The following ZNF765 variants were observed in gnomAD, a reference collection of about 807,000 sequenced individuals.
ZNF765 encodes zinc finger protein 765.
A neutral mutation model predicts 44.7 loss-of-function variants in ZNF765; 37 were observed. The ratio of observed to expected loss-of-function variants is 0.83; its 90% CI spans 0.64 to 1.09. The LOEUF is 1.09. ZNF765 is among the 50% of genes least tolerant of loss of function. The pLI is 0.00. For missense variants in ZNF765, 594 were observed against 626.1 expected (o/e 0.95, Z 0.55); for synonymous variants, 201 against 213.7 (o/e 0.94, Z 0.52).
chr19:53,415,226 C>T (rs141999723), downstream of ZNF765, among the ~76,000 whole-genome samples: 6 of 151,234 alleles, frequency 4.0e-5, no homozygotes, highest in South Asian at 4.2e-4. Context: ...GCGGAAATCA[C>T]GCCATTGCAC....
intron 2 of ZNF765, among the ~76,000 whole-genome samples, chr19:53,398,904 C>G (rs2085695988): frequency 6.6e-6 from 1 of 151,938 alleles, no homozygotes; most frequent in Admixed American, 6.6e-5. Context: ...TGTGCACCAC[C>G]ACGCCCAGCT....
intron 3 of ZNF765, among the ~76,000 whole-genome samples, 193 bp from the exon 4 acceptor site, chr19:53,407,505 C>T (rs908447326): frequency 1.3e-5 from 2 of 152,094 alleles, no homozygotes; most frequent in Admixed American, 6.5e-5. Flanking sequence ...AATAGACTTC[C>T]GTAAAAATAA....
At chr19:53,419,114 CAAT>C (rs1280237193) in intron 3 of ZNF765, among the ~76,000 whole-genome samples, 1 of 152,142 alleles carries the variant, frequency 6.6e-6, no homozygotes, top group African/African-American at 2.4e-5. Context: ...TTTAATCCTT[CAAT>C]AATAATGATT....
intron 2 of ZNF765, among the ~76,000 whole-genome samples, chr19:53,401,605 C>T (rs1213213655): frequency 6.6e-6 from 1 of 151,670 alleles, no homozygotes; most frequent in Non-Finnish European, 1.5e-5. Context: ...GGGCCGGGCA[C>T]GGTGGATCAT....
At chr19:53,402,306 G>C (rs552930519) in intron 3 of ZNF765, 115 bp downstream of exon 3, 1 of 1,490,872 alleles carries the variant, frequency 6.7e-7, no homozygotes, top group East Asian at 2.3e-5. Flanking sequence ...GCCCAGGCTG[G>C]AGTGCTGTGG....
Position 53,408,346 on chromosome 19 carries a change from G to A in ZNF765, c.791G>A (p.Cys264Tyr). Residue 264 changes from cysteine to tyrosine, a missense_variant, in exon 4 of 4, where the codon TGT becomes TAT. Cys to Tyr is a radical substitution (Grantham distance 194). Transcript: ENST00000396408. The part of the protein sequence containing the change: ...SKRYVARHRR[C>Y]HTGEKPYKCN... Reference sequence around the variant, plus strand: ...CGATACGTTGCACGCCATCGTAGATGTCACACTGGTGAGAAACCTTACAAG... The same window carrying A: ...CGATACGTTGCACGCCATCGTAGATATCACACTGGTGAGAAACCTTACAAG... The A allele has an allele frequency of 6.2e-7, 1 of 1,614,188 alleles. No individual in the cohort carries two copies. The highest frequency in any genetic ancestry group is 8.5e-7 in the Non-Finnish European group (1 of 1,180,024).
chr19:53,400,936 A>G (rs1395855813), intron 2 of ZNF765, among the ~76,000 whole-genome samples: 3 of 151,790 alleles, frequency 2.0e-5, no homozygotes, highest in Non-Finnish European at 4.4e-5. Flanking sequence ...GGCTCAAGCC[A>G]TCTTCCTACC....
At chr19:53,402,615 A>G (rs1032826172) in intron 3 of ZNF765, among the ~76,000 whole-genome samples, 3 of 152,244 alleles carry the variant, frequency 2.0e-5, no homozygotes, top group Admixed American at 6.5e-5. Flanking sequence ...CGGGTGGAGT[A>G]CAATGGTGTG....
intron 3 of ZNF765, among the ~76,000 whole-genome samples, chr19:53,405,905 A>C (rs1378633888): frequency 3.2e-5 from 1 of 31,038 alleles, no homozygotes; most frequent in Non-Finnish European, 6.1e-5. Context: ...AATACCAACT[A>C]TATATATATA....
rs774392387 is a variant in ZNF765, at chr19:53,408,063, G to A, written c.508G>A (p.Asp170Asn). Residue 170 changes from aspartate to asparagine, a missense_variant, in exon 4 of 4, where the codon GAT becomes AAT. Coordinates refer to ENST00000396408, the MANE Select transcript of ZNF765 (RefSeq NM_001040185.3). ...TAATCAAGTTGTGAAGTCTATCCAC[G>A]ATGCTTCCTTGGTTTCAACAGCCCA... Reference protein sequence around the residue: ...IDNQVVKSIHDASLVSTAQRI... With the variant: ...IDNQVVKSIHNASLVSTAQRI... 1.7e-5 allele frequency: 28 copies of A among 1,613,994 alleles called. No homozygotes were observed. In the Admixed American group the frequency reaches 4.3e-4, roughly 25 times the overall value.
At chr19:53,413,174 G>T, downstream of ZNF765, 1 of 571,990 alleles carries the variant, frequency 1.7e-6, no homozygotes, top group South Asian at 1.4e-5. Flanking sequence ...GTGTGTACTT[G>T]ACTCTGCCTC....
rs145676756 is a variant in ZNF765 at position 53,405,073 on chromosome 19, C to T, written c.143-2625C>T. Among the ~76,000 whole-genome samples, 530 of 152,014 alleles carry T rather than the reference C, an allele frequency of 3.5e-3. 4 individuals are homozygous for T. The highest frequency in any genetic ancestry group is 0.012 in the African/African-American group (513 of 41,458). ...AATCTACTAAATACAAGAATTTGGC[C>T]GGGCACGGTGGCTCAAGCCAGTTAT... On this transcript the variant is annotated intron_variant, in intron 3 of 3. Transcript: ENST00000396408.
At chr19:53,417,034 T>A (rs1208469574) in intron 3 of ZNF765, among the ~76,000 whole-genome samples, 1 of 152,142 alleles carries the variant, frequency 6.6e-6, no homozygotes, top group Non-Finnish European at 1.5e-5. Flanking sequence ...GCCAGGCCGG[T>A]CCCTAACTCT....
At chr19:53,421,402 TTGTCTC>T (rs1363747465) in intron 3 of ZNF765, among the ~76,000 whole-genome samples, 1 of 152,226 alleles carries the variant, frequency 6.6e-6, no homozygotes, top group Non-Finnish European at 1.5e-5. Context: ...TTTCTATACT[TTGTCTC>T]TGTCTCTTAT....
At chr19:53,424,305 A>G (rs980511573) in exon 4 of ZNF765, 1 of 145,316 alleles carries the variant, frequency 6.9e-6, no homozygotes, top group African/African-American at 2.5e-5. Context: ...AAAAAAAAAG[A>G]AAAGAAAAAA....
intron 3 of ZNF765, among the ~76,000 whole-genome samples, chr19:53,418,185 G>A (rs1455849990): frequency 1.3e-5 from 2 of 152,110 alleles, no homozygotes; most frequent in African/African-American, 2.4e-5. Flanking sequence ...GGAGGATCAC[G>A]GGTCAGGAGA....
intron 2 of ZNF765, among the ~76,000 whole-genome samples, chr19:53,399,520 T>C (rs2085702475): frequency 6.6e-6 from 1 of 151,884 alleles, no homozygotes; most frequent in Admixed American, 6.6e-5. Context: ...AAAAATAACT[T>C]TTTTACAAAA....
Position 53,408,495 on chromosome 19 carries a change from C to G in ZNF765, c.940C>G (p.Leu314Val), listed in dbSNP as rs2085799405. Residue 314 changes from leucine (L) to valine (V), a missense_variant, in exon 4 of 4, where the codon CTT becomes GTT. Coordinates refer to ENST00000396408, the MANE Select transcript of ZNF765 (RefSeq NM_001040185.3). ...CAAAGCTTTCCATTTCAAATCAAAG[C>G]TTCAAATACATAGGAGAATTCATAC... Reference protein sequence around the residue: ...CDKAFHFKSKLQIHRRIHTGE... With the variant: ...CDKAFHFKSKVQIHRRIHTGE... 2 of 1,613,394 alleles carry G rather than the reference C, an allele frequency of 1.2e-6. No homozygotes were observed. The highest frequency in any genetic ancestry group is 1.3e-5 in the African/African-American group (1 of 74,766).
At chr19:53,413,455 T>C, downstream of ZNF765, 1 of 439,452 alleles carries the variant, frequency 2.3e-6, no homozygotes, top group Non-Finnish European at 4.4e-6. Flanking sequence ...ACATGTTTTA[T>C]TGGGAATATA....
Sources: allele counts gnomAD v4.1 joint callset (sites outside exome capture counted in the v4.1 genomes callset), GRCh38; gene constraint gnomAD v4.1.1; transcripts MANE v1.5; gene names NCBI Gene and HGNC (gene_info 2026-07-23, HGNC 2026-07-21).